The following FSIP1 variants were observed in gnomAD, a reference collection of about 807,000 sequenced individuals.
The protein encoded by FSIP1 is fibrous sheath-interacting protein 1.
FSIP1 carries 65 observed loss-of-function variants against 60.9 expected under a neutral mutation model. The ratio of observed to expected loss-of-function variants is 1.07; its 90% CI spans 0.87 to 1.31. The LOEUF (loss-of-function observed/expected upper bound fraction) is 1.31, where lower values mean the gene tolerates loss of function less well. Ranked by LOEUF, FSIP1 falls within the 40% of genes most tolerant of loss-of-function variation. The probability of loss-of-function intolerance (pLI) is 0.00; values close to 1 mark genes in which losing one functional copy is unlikely to be tolerated. For missense variants in FSIP1, 675 were observed against 665.5 expected (o/e 1.01, Z -0.16); for synonymous variants, 209 against 221.2 (o/e 0.94, Z 0.49).
chr15:39,670,049 T>C (rs1294278207), intron 10 of FSIP1, among the ~76,000 whole-genome samples: 1 of 152,212 alleles, frequency 6.6e-6, no homozygotes, highest in African/African-American at 2.4e-5. Flanking sequence ...TTTACTTTTA[T>C]CTAAATCTGG....
chr15:39,766,600 T>C (rs1162218433), intron 3 of FSIP1, among the ~76,000 whole-genome samples: 2 of 152,328 alleles, frequency 1.3e-5, no homozygotes, highest in East Asian at 1.9e-4. Flanking sequence ...CACCCAAATC[T>C]GTCTGACTGC....
rs144900222 is a variant in FSIP1, at chr15:39,692,288, T to C, written c.1188+21156A>G. On this transcript the variant is annotated intron_variant, in intron 10 of 11. Transcript: ENST00000350221. ...AGGGCTACTTAAATACCAAACAGAA[T>C]AGCTTATGTGTGAAATGCTTTGCAA... Among the ~76,000 whole-genome samples the C allele has an allele frequency of 3.5e-3, 535 of 152,318 alleles. 4 individuals are homozygous for C. Among genetic ancestry groups the C allele is most frequent in the African/African-American group, 0.012 (507 of 41,564 alleles).
intron 9 of FSIP1, among the ~76,000 whole-genome samples, chr15:39,717,495 T>C (rs1895786278): frequency 1.3e-5 from 2 of 152,180 alleles, no homozygotes; most frequent in African/African-American, 4.8e-5. Flanking sequence ...CAACTGCATA[T>C]TCATGCTCAA....
At chr15:39,632,899 G>A (rs1891961350) in intron 10 of FSIP1, among the ~76,000 whole-genome samples, 1 of 151,880 alleles carries the variant, frequency 6.6e-6, no homozygotes, top group South Asian at 2.1e-4. Flanking sequence ...AAGTAGGCAG[G>A]GCAAAAACAC....
chr15:39,639,612 A>AT (rs1441047583), intron 10 of FSIP1, among the ~76,000 whole-genome samples: 1 of 152,204 alleles, frequency 6.6e-6, no homozygotes, highest in Admixed American at 6.5e-5. Context: ...TGTGACTCTC[A>AT]GAAACCTTCT....
intron 10 of FSIP1, among the ~76,000 whole-genome samples, chr15:39,633,571 C>T (rs899252081): frequency 1.3e-5 from 2 of 152,094 alleles, no homozygotes; most frequent in African/African-American, 2.4e-5. Context: ...AGTATAATTA[C>T]TGTATTATAA....
chr15:39,737,032 G>A (rs1430466925), intron 8 of FSIP1, among the ~76,000 whole-genome samples: 1 of 152,186 alleles, frequency 6.6e-6, no homozygotes, highest in African/African-American at 2.4e-5. Context: ...TTCAGGGAAA[G>A]GGGATATGGG....
At chr15:39,667,639 ATGAG>A (rs1893550008) in intron 10 of FSIP1, among the ~76,000 whole-genome samples, 1 of 152,166 alleles carries the variant, frequency 6.6e-6, no homozygotes, top group African/African-American at 2.4e-5. Flanking sequence ...ATTACCTCCC[ATGAG>A]CAGTTCTAGG....
At chr15:39,682,029 T>C (rs1894185143) in intron 10 of FSIP1, among the ~76,000 whole-genome samples, 1 of 152,210 alleles carries the variant, frequency 6.6e-6, no homozygotes, top group Admixed American at 6.5e-5. Context: ...TATAAAAGTT[T>C]AATAATTTGG....
At chr15:39,693,874 A>C (rs1235037701) in intron 10 of FSIP1, among the ~76,000 whole-genome samples, 1 of 152,202 alleles carries the variant, frequency 6.6e-6, no homozygotes, top group African/African-American at 2.4e-5. Context: ...ACCTGCCTCT[A>C]AGGTTTTCAT....
At chr15:39,690,306 C>T (rs1269305944) in intron 10 of FSIP1, among the ~76,000 whole-genome samples, 1 of 152,124 alleles carries the variant, frequency 6.6e-6, no homozygotes, top group African/African-American at 2.4e-5. Flanking sequence ...ATCATTCTTG[C>T]AGCAGTGTGG....
At chr15:39,599,097 G>C (rs1890551234), downstream of FSIP1, 1 of 152,066 alleles carries the variant, frequency 6.6e-6, no homozygotes, top group Non-Finnish European at 1.5e-5. Flanking sequence ...GGCTAATTCT[G>C]TATTTTTAGT....
In FSIP1 at chr15:39,657,355, C is replaced by T. The variant is rs371117230; in HGVS notation, c.1189-39110G>A. ...ATCAGGGACAAGATTACACAATTTACAAACTGACTTCACACACATCATATT... is the reference window on the plus strand; with the variant it reads ...ATCAGGGACAAGATTACACAATTTATAAACTGACTTCACACACATCATATT... On this transcript the variant is annotated intron_variant, in intron 10 of 11. Transcript: ENST00000350221. Among the ~76,000 whole-genome samples, 26 of 152,256 alleles carry T rather than the reference C, an allele frequency of 1.7e-4. No homozygotes were observed. In the South Asian group the frequency reaches 4.4e-3, roughly 25 times the overall value.
intron 10 of FSIP1, among the ~76,000 whole-genome samples, chr15:39,674,439 A>G (rs2140475256): frequency 6.6e-6 from 1 of 152,348 alleles, no homozygotes; most frequent in Middle Eastern, 3.4e-3. Context: ...ATGGTAAAAC[A>G]GCCAAGATAC....
intron 10 of FSIP1, among the ~76,000 whole-genome samples, chr15:39,643,467 C>T (rs1282911224): frequency 2.0e-5 from 3 of 152,118 alleles, no homozygotes; most frequent in Admixed American, 1.3e-4. Context: ...TTAATGCGGG[C>T]ATTACCAAAT....
chr15:39,763,660 T>C (rs796842072), intron 5 of FSIP1, among the ~76,000 whole-genome samples, 161 bp downstream of exon 5: 6 of 152,214 alleles, frequency 3.9e-5, no homozygotes, highest in African/African-American at 1.2e-4. Context: ...AAGCTCGGAG[T>C]AGTTTCATAT....
At chr15:39,632,552 TGG>T (rs35673853) in intron 10 of FSIP1, among the ~76,000 whole-genome samples, 1 of 152,132 alleles carries the variant, frequency 6.6e-6, no homozygotes, top group Non-Finnish European at 1.5e-5. Flanking sequence ...CCCAGCACTT[TGG>T]GAGGCCGAGG....
rs1382442226 is a variant in FSIP1 at position 39,624,590 on chromosome 15, G to C, written c.1189-6345C>G. On this transcript the variant is annotated intron_variant, in intron 10 of 11. Coordinates refer to ENST00000350221, the MANE Select transcript of FSIP1 (RefSeq NM_152597.5). ...TAATGTCTGTATCAATGGCGCTAAG[G>C]ATTCATAGGAGAAAAGGGCTTGTTC... Among the ~76,000 whole-genome samples the C allele has an allele frequency of 2.6e-5, 4 of 152,136 alleles. No individual in the cohort carries two copies. In the East Asian group the frequency reaches 7.7e-4, roughly 29 times the overall value.
At chr15:39,780,195 G>A (rs190339699) in intron 1 of FSIP1, among the ~76,000 whole-genome samples, 367 of 152,180 alleles carry the variant, frequency 2.4e-3, no homozygotes, top group Non-Finnish European at 4.1e-3. Context: ...ACATACAAAT[G>A]GCATGGTGCT....
Sources: gnomAD v4.1 joint callset for allele counts (sites outside exome capture counted in the v4.1 genomes callset) on GRCh38, gnomAD v4.1.1 for gene constraint, MANE v1.5 for transcripts, NCBI Gene and HGNC (gene_info 2026-07-23, HGNC 2026-07-21) for gene names.